ROR1: variants seen among roughly 807,000 people sequenced by gnomAD.
ROR1 encodes the protein inactive tyrosine-protein kinase transmembrane receptor ROR1.
In ROR1, 19 loss-of-function variants were observed where a neutral mutation model predicts 78.8. That is an observed-to-expected ratio of 0.24 (90% CI 0.17 to 0.35). The LOEUF is 0.35. ROR1 is among the 10% of genes least tolerant of loss of function. ROR1 has a pLI of 1.00. For missense variants in ROR1, 917 were observed against 1,177.8 expected (o/e 0.78, Z 3.24); for synonymous variants, 386 against 433.6 (o/e 0.89, Z 1.36).
At chr1:64,114,507 C>G (rs1014487664) in intron 4 of ROR1, among the ~76,000 whole-genome samples, 4 of 152,168 alleles carry the variant, frequency 2.6e-5, no homozygotes, top group African/African-American at 9.6e-5. Context: ...CTGAAAGAAC[C>G]CCGGCTCCAC....
Position 64,084,407 on chromosome 1 carries a change from C to T in ROR1, c.482+33691C>T, listed in dbSNP as rs528965270. Among the ~76,000 whole-genome samples the T allele has an allele frequency of 9.8e-5, 15 of 152,298 alleles. No homozygotes were observed. In the South Asian group the frequency reaches 1.5e-3, roughly 15 times the overall value. On this transcript the variant is annotated intron_variant, in intron 4 of 8. Coordinates refer to ENST00000371079, the MANE Select transcript of ROR1 (RefSeq NM_005012.4). ...TATTGATATTCTACAGAAAAAATCA[C>T]GATTACTGCAAGTCTGTAAGCTCTT... is the stretch of plus-strand genomic sequence containing the variant.
chr1:63,884,656 T>G (rs1427488679), intron 1 of ROR1, among the ~76,000 whole-genome samples: 2 of 152,140 alleles, frequency 1.3e-5, no homozygotes, highest in Non-Finnish European at 2.9e-5. Context: ...CAGCAAATAT[T>G]TATTGAACTG....
At chr1:64,156,541 T>C (rs1416683695) in intron 7 of ROR1, among the ~76,000 whole-genome samples, 1 of 151,984 alleles carries the variant, frequency 6.6e-6, no homozygotes, top group Non-Finnish European at 1.5e-5. Context: ...ACCCTGTCTC[T>C]ACTAAAAATA....
intron 4 of ROR1, among the ~76,000 whole-genome samples, chr1:64,114,376 T>C (rs1257889862): frequency 6.6e-6 from 1 of 152,142 alleles, no homozygotes; most frequent in African/African-American, 2.4e-5. Flanking sequence ...AGGCTTAATT[T>C]TAGAAGAGAG....
At chr1:63,942,934 A>G (rs976960755) in intron 1 of ROR1, among the ~76,000 whole-genome samples, 1 of 151,884 alleles carries the variant, frequency 6.6e-6, no homozygotes, top group Admixed American at 6.6e-5. Flanking sequence ...TACAAAAAAT[A>G]ATAAAATTAG....
At chr1:63,813,272 A>T (rs1271413632) in intron 1 of ROR1, among the ~76,000 whole-genome samples, 1 of 152,180 alleles carries the variant, frequency 6.6e-6, no homozygotes, top group African/African-American at 2.4e-5. Context: ...TAGAATTTTC[A>T]TTTGTTTAGC....
At chr1:63,951,712 C>A (rs937927419) in intron 1 of ROR1, among the ~76,000 whole-genome samples, 1 of 152,120 alleles carries the variant, frequency 6.6e-6, no homozygotes, top group Non-Finnish European at 1.5e-5. Context: ...AAAGACACCC[C>A]CCCCTCACCA....
At chr1:63,878,650 C>T (rs2100370310) in intron 1 of ROR1, among the ~76,000 whole-genome samples, 1 of 152,296 alleles carries the variant, frequency 6.6e-6, no homozygotes, top group East Asian at 1.9e-4. Flanking sequence ...TGCTCCTCAG[C>T]ACCAACCTAT....
intron 4 of ROR1, among the ~76,000 whole-genome samples, chr1:64,126,232 A>G (rs1648711798): frequency 6.6e-6 from 1 of 152,194 alleles, no homozygotes; most frequent in South Asian, 2.1e-4. Context: ...CTTTAATACC[A>G]GGACCTGAGA....
At chr1:63,775,199 G>A (rs941868335) in intron 1 of ROR1, 2 of 152,174 alleles carry the variant, frequency 1.3e-5, no homozygotes, top group Non-Finnish European at 2.9e-5. Flanking sequence ...GTGTGTGTGT[G>A]CGTGTTACAA....
intron 1 of ROR1, among the ~76,000 whole-genome samples, chr1:63,887,002 A>G (rs1645361802): frequency 6.6e-6 from 1 of 152,170 alleles, no homozygotes; most frequent in South Asian, 2.1e-4. Context: ...CCTCCTCCCA[A>G]AAGAATTTCC....
intron 1 of ROR1, among the ~76,000 whole-genome samples, chr1:63,952,066 G>A (rs1229716453): frequency 1.3e-5 from 2 of 152,174 alleles, no homozygotes; most frequent in Admixed American, 1.3e-4. Flanking sequence ...TAATGTCCCA[G>A]GTGACAATGG....
At chr1:64,002,942 C>A (rs1646397273) in intron 1 of ROR1, among the ~76,000 whole-genome samples, 1 of 152,124 alleles carries the variant, frequency 6.6e-6, no homozygotes, top group Admixed American at 6.5e-5. Context: ...GCTCCTTCCC[C>A]CATCCCCCAT....
chr1:64,141,089 A>G (rs532935490), intron 6 of ROR1, among the ~76,000 whole-genome samples: 24 of 152,330 alleles, frequency 1.6e-4, no homozygotes, highest in East Asian at 7.7e-4. Flanking sequence ...TTAGGGTAAT[A>G]TAAGTGTTCT....
chr1:63,834,800 A>C (rs1645010401), intron 1 of ROR1, among the ~76,000 whole-genome samples: 1 of 152,106 alleles, frequency 6.6e-6, no homozygotes, highest in African/African-American at 2.4e-5. Context: ...GGCCCAAGGC[A>C]TGTCGTTGGG....
chr1:63,919,700 C>G (rs1484384952), intron 1 of ROR1, among the ~76,000 whole-genome samples: 2 of 152,066 alleles, frequency 1.3e-5, no homozygotes, highest in East Asian at 3.9e-4. Flanking sequence ...GAGCCTGTTT[C>G]TTTGTTCAAT....
intron 4 of ROR1, among the ~76,000 whole-genome samples, chr1:64,136,783 T>C (rs1649117643): frequency 6.6e-6 from 1 of 152,136 alleles, no homozygotes; most frequent in Non-Finnish European, 1.5e-5. Context: ...TTTCCTTGGA[T>C]TTAGTGACTC....
chr1:64,024,429 C>T (rs952498465), intron 2 of ROR1, among the ~76,000 whole-genome samples: 5 of 151,798 alleles, frequency 3.3e-5, no homozygotes, highest in African/African-American at 9.7e-5. Context: ...TGCAGTGAGC[C>T]GAGATTGCAC....
chr1:63,810,410 C>T (rs1411197871), intron 1 of ROR1, among the ~76,000 whole-genome samples: 1 of 152,192 alleles, frequency 6.6e-6, no homozygotes, highest in East Asian at 1.9e-4. Context: ...CTTTACTTAA[C>T]TATGTGTCCA....
Sources: allele counts gnomAD v4.1 joint callset (sites outside exome capture counted in the v4.1 genomes callset), GRCh38; gene constraint gnomAD v4.1.1; transcripts MANE v1.5; gene names NCBI Gene and HGNC (gene_info 2026-07-23, HGNC 2026-07-21).